The following EPCIP variants were observed in gnomAD, a reference collection of about 807,000 sequenced individuals.
EPCIP encodes the protein exosomal polycystin-1-interacting protein.
chr21:32,797,085 A>T, the EPCIP span: 1 of 457,788 alleles, frequency 2.2e-6, no homozygotes, highest in Non-Finnish European at 4.5e-6. Context: ...AGACCTCAGG[A>T]TGGTCCCTGC....
the EPCIP span, chr21:32,794,329 C>G: frequency 6.2e-7 from 1 of 1,614,086 alleles, no homozygotes; most frequent in South Asian, 1.1e-5. Context: ...TGAAGATGAG[C>G]GTGCTGTTCT....
the EPCIP span, chr21:32,794,206 C>T: frequency 6.2e-7 from 1 of 1,614,260 alleles, no homozygotes; most frequent in East Asian, 2.2e-5. Context: ...AGCTGGTTCG[C>T]TCTACTGCAA....
At chr21:32,792,912 A>AT in the EPCIP span, among the ~76,000 whole-genome samples, 71 of 67,112 alleles carry the variant, frequency 1.1e-3, no homozygotes, top group Middle Eastern at 7.0e-3. Context: ...TTTTATTATT[A>AT]TTATTTTTTT....
At chr21:32,804,876 G>A in the EPCIP span, among the ~76,000 whole-genome samples, 4 of 152,298 alleles carry the variant, frequency 2.6e-5, no homozygotes, top group South Asian at 6.2e-4. Context: ...TAAAGGAACA[G>A]CAGGAATATG....
the EPCIP span, among the ~76,000 whole-genome samples, chr21:32,803,306 G>T: frequency 2.3e-4 from 35 of 152,200 alleles, no homozygotes; most frequent in Admixed American, 3.3e-4. Context: ...TGGCTACCTT[G>T]TTCCTTATTA....
the EPCIP span, chr21:32,794,354 A>T: frequency 6.2e-7 from 1 of 1,614,106 alleles, no homozygotes; most frequent in Non-Finnish European, 8.5e-7. Context: ...ACCTTTGGTG[A>T]AGCAGTTAAG....
the EPCIP span, among the ~76,000 whole-genome samples, chr21:32,808,996 C>T: frequency 6.6e-6 from 1 of 151,974 alleles, no homozygotes; most frequent in South Asian, 2.1e-4. Context: ...AGTGTCTAGG[C>T]ACAACTCCAA....
At chr21:32,805,417 A>G in the EPCIP span, among the ~76,000 whole-genome samples, 1 of 151,502 alleles carries the variant, frequency 6.6e-6, no homozygotes, top group Non-Finnish European at 1.5e-5. Flanking sequence ...TGTGGAGTGC[A>G]GTGGCACGAT....
the EPCIP span, among the ~76,000 whole-genome samples, chr21:32,802,205 T>C: frequency 1.3e-5 from 2 of 152,242 alleles, no homozygotes; most frequent in African/African-American, 4.8e-5. Context: ...AATAGATGTA[T>C]CTGTTAATTT....
At chr21:32,808,398 T>C in the EPCIP span, among the ~76,000 whole-genome samples, 1 of 152,218 alleles carries the variant, frequency 6.6e-6, no homozygotes, top group East Asian at 1.9e-4. Context: ...GTGCCCTTCT[T>C]ATATTCCCGT....
At chr21:32,808,441 C>A in the EPCIP span, among the ~76,000 whole-genome samples, 1 of 152,198 alleles carries the variant, frequency 6.6e-6, no homozygotes, top group African/African-American at 2.4e-5. Context: ...AAGATGTAAG[C>A]CTTGGGCTTT....
chr21:32,802,195 A>G, the EPCIP span, among the ~76,000 whole-genome samples: 2 of 152,228 alleles, frequency 1.3e-5, no homozygotes, highest in African/African-American at 4.8e-5. Context: ...AACCCTCCCC[A>G]ATAGATGTAT....
chr21:32,802,752 G>T, the EPCIP span, among the ~76,000 whole-genome samples: 1 of 152,158 alleles, frequency 6.6e-6, no homozygotes, highest in Admixed American at 6.5e-5. Context: ...ACCTCCAGGA[G>T]GGAACCAGTG....
chr21:32,807,086 C>T, the EPCIP span, among the ~76,000 whole-genome samples: 1 of 152,196 alleles, frequency 6.6e-6, no homozygotes, highest in Non-Finnish European at 1.5e-5. Context: ...TAATCTCCCA[C>T]TGGGTCCCTC....
the EPCIP span, chr21:32,794,047 C>G: frequency 1.2e-6 from 2 of 1,614,184 alleles, no homozygotes; most frequent in Non-Finnish European, 1.7e-6. Flanking sequence ...TGTTGATGCG[C>G]AGCCTCTTCA....
At chr21:32,800,001 G>A in the EPCIP span, among the ~76,000 whole-genome samples, 1 of 152,152 alleles carries the variant, frequency 6.6e-6, no homozygotes, top group African/African-American at 2.4e-5. Context: ...TCCAAATTAC[G>A]TTTTTAAATT....
the EPCIP span, among the ~76,000 whole-genome samples, chr21:32,809,155 T>C: frequency 2.7e-5 from 4 of 146,900 alleles, no homozygotes; most frequent in African/African-American, 1.0e-4. Flanking sequence ...CATCACGGCA[T>C]GTTGTGGGGA....
the EPCIP span, among the ~76,000 whole-genome samples, chr21:32,810,104 G>C: frequency 6.6e-6 from 1 of 151,992 alleles, no homozygotes; most frequent in African/African-American, 2.4e-5. Context: ...CATTTTGTTT[G>C]ACTTCCCACA....
the EPCIP span, among the ~76,000 whole-genome samples, chr21:32,803,035 T>C: frequency 1.3e-5 from 2 of 152,128 alleles, no homozygotes; most frequent in East Asian, 3.8e-4. Context: ...AGCCTCTGGG[T>C]GGCTTCATCA....
Sources: gnomAD v4.1 joint callset for allele counts (sites outside exome capture counted in the v4.1 genomes callset) on GRCh38, gnomAD v4.1.1 for gene constraint, MANE v1.5 for transcripts, NCBI Gene and HGNC (gene_info 2026-07-23, HGNC 2026-07-21) for gene names.